DENND5B: variants seen among roughly 807,000 people sequenced by gnomAD.
DENND5B encodes DENN domain containing 5B.
In DENND5B, 34 loss-of-function variants were observed where a neutral mutation model predicts 140.6. That is an observed-to-expected ratio of 0.24 (90% CI 0.18 to 0.32). The LOEUF is 0.32. Ranked by LOEUF, DENND5B falls within the 10% of genes least tolerant of loss-of-function variation. The pLI is 1.00. For synonymous variants in DENND5B, 551 were observed against 562.1 expected (o/e 0.98, Z 0.28); for missense variants, 1,142 against 1,560.2 (o/e 0.73, Z 4.52).
rs192744358 is a variant in DENND5B at position 31,511,136 on chromosome 12, G to A, written c.128-15217C>T. The stretch of plus-strand genomic sequence containing the variant: ...AGCCTGTAGTCCCAGCTACTCAGGA[G>A]GCTGAGGCAGGAGGATCTCTTGAGC... On this transcript the variant is annotated intron_variant, in intron 1 of 20. Transcript: ENST00000389082. Among the ~76,000 whole-genome samples, 15 of 152,290 alleles carry A rather than the reference G, an allele frequency of 9.8e-5. No homozygotes were observed. The East Asian group carries it at 2.1e-3, about 22-fold the overall frequency.
chr12:31,583,979 T>A (rs1950304000), intron 1 of DENND5B, among the ~76,000 whole-genome samples: 1 of 152,224 alleles, frequency 6.6e-6, no homozygotes, highest in African/African-American at 2.4e-5. Flanking sequence ...GCATCCTGTA[T>A]AGAACCATCT....
Position 31,442,548 on chromosome 12 carries a change from G to GA in DENND5B, c.2012+226dup, listed in dbSNP as rs1243481720. On this transcript the variant is annotated intron_variant, in intron 7 of 20. Coordinates refer to ENST00000389082, the MANE Select transcript of DENND5B (RefSeq NM_144973.4). ...TTCCAAGTGTACTTTGCTTGAAAAAGAAAAAAAAATCTCTAGCCTTTGTTT... is the reference window on the plus strand; with the variant it reads ...TTCCAAGTGTACTTTGCTTGAAAAAGAAAAAAAAAATCTCTAGCCTTTGTTT... Among the ~76,000 whole-genome samples, 290 of 144,196 alleles carry GA rather than the reference G, an allele frequency of 2.0e-3. 2 individuals are homozygous for GA. The highest frequency in any genetic ancestry group is 4.6e-3 in the African/African-American group (183 of 39,398). 94.6% of individuals were successfully genotyped at this position (144,196 alleles called of 152,430 possible). A position where few individuals can be genotyped will look rare whatever the true frequency, so the allele number is the denominator to read the frequency against.
chr12:31,554,589 C>T (rs1949206094), intron 1 of DENND5B, among the ~76,000 whole-genome samples: 1 of 152,116 alleles, frequency 6.6e-6, no homozygotes, highest in Admixed American at 6.5e-5. Flanking sequence ...CTCTGTATTT[C>T]CTGAATTTGA....
intron 14 of DENND5B, among the ~76,000 whole-genome samples, chr12:31,406,438 T>C (rs973498617): frequency 2.6e-5 from 4 of 152,192 alleles, no homozygotes; most frequent in African/African-American, 9.6e-5. Flanking sequence ...ATTTTGGCTT[T>C]AGGATAGGAA....
chr12:31,478,205 A>C (rs1247746378), intron 3 of DENND5B, among the ~76,000 whole-genome samples: 3 of 152,210 alleles, frequency 2.0e-5, no homozygotes, highest in South Asian at 4.1e-4. Flanking sequence ...GGATAAACTG[A>C]AGAAAATACA....
intron 1 of DENND5B, among the ~76,000 whole-genome samples, chr12:31,580,499 T>C (rs1027788723): frequency 7.9e-5 from 12 of 152,170 alleles, no homozygotes; most frequent in Non-Finnish European, 1.3e-4. Context: ...TATTTTATTT[T>C]ATTTTTAATT....
intron 11 of DENND5B, among the ~76,000 whole-genome samples, chr12:31,421,720 T>TTTTTAA (rs985252050): frequency 6.6e-6 from 1 of 152,092 alleles, no homozygotes; most frequent in Non-Finnish European, 1.5e-5. Context: ...CGGCTAATTT[T>TTTTTAA]TTTTAATTTT....
intron 2 of DENND5B, among the ~76,000 whole-genome samples, chr12:31,480,626 C>T (rs1395470231): frequency 6.6e-6 from 1 of 152,032 alleles, no homozygotes; most frequent in Non-Finnish European, 1.5e-5. Context: ...GCTGTATCAA[C>T]GACTTGAAGA....
At chr12:31,466,952 G>A (rs893830924) in intron 3 of DENND5B, among the ~76,000 whole-genome samples, 3 of 152,006 alleles carry the variant, frequency 2.0e-5, no homozygotes, top group Admixed American at 6.6e-5. Flanking sequence ...ACAGATTTCT[G>A]GCTAATGAGT....
intron 2 of DENND5B, among the ~76,000 whole-genome samples, chr12:31,489,601 A>G (rs1946445173): frequency 6.6e-6 from 1 of 152,214 alleles, no homozygotes; most frequent in Non-Finnish European, 1.5e-5. Flanking sequence ...TTATTCAACA[A>G]TTTGAACATC....
At chr12:31,563,028 C>A (rs1949527851) in intron 1 of DENND5B, among the ~76,000 whole-genome samples, 1 of 151,580 alleles carries the variant, frequency 6.6e-6, no homozygotes, top group South Asian at 2.1e-4. Context: ...CTTGGTGAGA[C>A]AGATGGAGAG....
At position 31,400,897 on chromosome 12, in the gene DENND5B, C is replaced by T. The variant is rs1941761554; in HGVS notation, c.2950-1125G>A. On this transcript the variant is annotated intron_variant, in intron 15 of 20. Transcript: ENST00000389082. ...CGCTCTCGTTGCCCAGGCTGGAGTG[C>T]AATGGTGCAATCTCCGCTCACCACA... 3.4e-5 allele frequency among the ~76,000 whole-genome samples: 5 copies of T among 146,994 alleles called. No homozygotes were observed. The Admixed American group carries it at 3.5e-4, about 10-fold the overall frequency.
intron 2 of DENND5B, among the ~76,000 whole-genome samples, chr12:31,489,729 C>T (rs1946450710): frequency 2.1e-5 from 3 of 142,570 alleles, no homozygotes. Context: ...TGGTTAACTG[C>T]AACTGAGATA....
At chr12:31,556,544 T>C (rs1393071421) in intron 1 of DENND5B, among the ~76,000 whole-genome samples, 1 of 152,198 alleles carries the variant, frequency 6.6e-6, no homozygotes. Context: ...TTATGACATC[T>C]GGGAATTTCA....
At chr12:31,484,800 CAAACAAAACAAAACA>C (rs56873909) in intron 2 of DENND5B, among the ~76,000 whole-genome samples, 1 of 151,898 alleles carries the variant, frequency 6.6e-6, no homozygotes, top group African/African-American at 2.4e-5. Flanking sequence ...GACTCCATCT[CAAACAAAACAAAACA>C]AAACAAAACA....
rs560114046 is a variant in DENND5B, at chr12:31,590,660, C to T, written c.127+46G>A. The T allele has an allele frequency of 3.8e-4, 545 of 1,422,250 alleles. 10 individuals are homozygous for T. In the East Asian group the frequency reaches 0.017, roughly 44 times the overall value. 88.1% of individuals were successfully genotyped at this position (1,422,250 alleles called of 1,614,324 possible). A position where few individuals can be genotyped will look rare whatever the true frequency, so the allele number is the denominator to read the frequency against. On this transcript the variant is annotated intron_variant, in intron 1 of 20. Coordinates refer to ENST00000389082, the MANE Select transcript of DENND5B (RefSeq NM_144973.4). ...CCTCCCGCGCGTCCCCACAGCGTCC[C>T]CCGCGCCCCTGAGGGGGCTCAGCGC...
intron 7 of DENND5B, 121 bp from the exon 8 acceptor site, chr12:31,433,369 G>A: frequency 1.2e-6 from 1 of 852,076 alleles, no homozygotes; most frequent in South Asian, 2.1e-5. Context: ...ATATATAGCA[G>A]CTTTGTTAAA....
chr12:31,477,612 A>C (rs1362097123), intron 3 of DENND5B: 1 of 156,622 alleles, frequency 6.4e-6, no homozygotes, highest in Non-Finnish European at 1.5e-5. Context: ...TCACAAATTT[A>C]CCAGGTCAAG....
At chr12:31,431,740 T>C (rs1481409461) in intron 8 of DENND5B, among the ~76,000 whole-genome samples, 1 of 152,172 alleles carries the variant, frequency 6.6e-6, no homozygotes, top group Non-Finnish European at 1.5e-5. Flanking sequence ...ATTTAATACA[T>C]TTCCCCCTTT....
Sources: allele counts gnomAD v4.1 joint callset (sites outside exome capture counted in the v4.1 genomes callset), GRCh38; gene constraint gnomAD v4.1.1; transcripts MANE v1.5; gene names NCBI Gene and HGNC (gene_info 2026-07-23, HGNC 2026-07-21).